The following SYNPR variants were observed in gnomAD, a reference collection of about 807,000 sequenced individuals.
The protein encoded by SYNPR is synaptoporin.
Under a neutral mutation model 32.9 loss-of-function variants are expected in SYNPR, and 23 were observed. That is an observed-to-expected ratio of 0.70 (90% confidence interval 0.50 to 0.99). The LOEUF (loss-of-function observed/expected upper bound fraction) is 0.99. Ranked by LOEUF, SYNPR falls within the 50% of genes least tolerant of loss-of-function variation. The pLI is 0.00. For missense variants in SYNPR, 318 were observed against 349.3 expected, an observed-to-expected ratio of 0.91 and a Z score of 0.71; for synonymous variants, 146 against 135.9, an observed-to-expected ratio of 1.07 and a Z score of -0.52.
chr3:63,492,680 T>G (rs756048154), intron 3 of SYNPR, among the ~76,000 whole-genome samples: 1 of 152,112 alleles, frequency 6.6e-6, no homozygotes, highest in Non-Finnish European at 1.5e-5. Context: ...GTATGCTGAG[T>G]GGGCCTTTTA....
chr3:63,262,872 T>C (rs2086451467), intron 2 of SYNPR, among the ~76,000 whole-genome samples: 1 of 152,236 alleles, frequency 6.6e-6, no homozygotes, highest in Non-Finnish European at 1.5e-5. Flanking sequence ...TCAGAAGATC[T>C]GACCCAAGGC....
chr3:63,570,105 C>T (rs1702860264), intron 4 of SYNPR, among the ~76,000 whole-genome samples: 2 of 152,150 alleles, frequency 1.3e-5, no homozygotes, highest in Admixed American at 6.6e-5. Context: ...TAAGACCAAA[C>T]TACATGGGAT....
At chr3:63,220,520 G>A in the SYNPR span, among the ~76,000 whole-genome samples, 1 of 152,122 alleles carries the variant, frequency 6.6e-6, no homozygotes, top group Non-Finnish European at 1.5e-5. Flanking sequence ...CACTGTAGGG[G>A]TGTGTAAAAG....
chr3:63,408,261 GAA>G (rs2088401983), intron 2 of SYNPR, among the ~76,000 whole-genome samples: 3 of 121,496 alleles, frequency 2.5e-5, no homozygotes, highest in Non-Finnish European at 5.0e-5. Flanking sequence ...AAGAAAGAAA[GAA>G]AGAAAGAAAG....
intron 4 of SYNPR, among the ~76,000 whole-genome samples, chr3:63,608,005 A>G (rs957276470): frequency 6.6e-6 from 1 of 152,236 alleles, no homozygotes; most frequent in Non-Finnish European, 1.5e-5. Context: ...TTCTGTTGGC[A>G]TATCAAATAT....
intron 2 of SYNPR, among the ~76,000 whole-genome samples, chr3:63,338,118 G>A (rs2087318183): frequency 6.6e-6 from 1 of 152,136 alleles, no homozygotes; most frequent in Non-Finnish European, 1.5e-5. Context: ...GATGGGAGTG[G>A]GGTAGTATAT....
chr3:63,609,091 T>C, intron 4 of SYNPR, 34 bp from the exon 5 acceptor site: 1 of 1,554,006 alleles, frequency 6.4e-7, no homozygotes, highest in Non-Finnish European at 8.7e-7. Context: ...TCACATTTTC[T>C]TTTACCATTT....
chr3:63,466,788 G>T (rs1282259443), intron 2 of SYNPR, among the ~76,000 whole-genome samples: 1 of 152,008 alleles, frequency 6.6e-6, no homozygotes, highest in Non-Finnish European at 1.5e-5. Flanking sequence ...TCTTATAAGG[G>T]CACTAATCCT....
At chr3:63,455,756 G>GGTGTGTGTGTGTGTGTGTGTGTGT (rs370244005) in intron 2 of SYNPR, among the ~76,000 whole-genome samples, 14 of 144,282 alleles carry the variant, frequency 9.7e-5, no homozygotes, top group African/African-American at 3.4e-4. Flanking sequence ...TCATGTTTGG[G>GGTGTGTGTGTGTGTGTGTGTGTGT]GTGTGTGTGT....
chr3:63,451,783 C>T (rs968937024), intron 2 of SYNPR, among the ~76,000 whole-genome samples: 1 of 152,120 alleles, frequency 6.6e-6, no homozygotes, highest in Non-Finnish European at 1.5e-5. Flanking sequence ...TCATTAGCCC[C>T]CACTATAGGA....
chr3:63,505,094 C>T (rs2106743303), intron 3 of SYNPR, among the ~76,000 whole-genome samples: 1 of 152,218 alleles, frequency 6.6e-6, no homozygotes, highest in South Asian at 2.1e-4. Flanking sequence ...GTGTTAACAG[C>T]TCTCATTTAC....
intron 2 of SYNPR, among the ~76,000 whole-genome samples, chr3:63,293,998 T>C (rs1445565849): frequency 1.3e-5 from 2 of 152,216 alleles, no homozygotes; most frequent in Admixed American, 1.3e-4. Flanking sequence ...GAAGAGGCAC[T>C]GTTTTGTCAC....
intron 3 of SYNPR, among the ~76,000 whole-genome samples, chr3:63,494,756 T>C (rs1004751031): frequency 9.2e-5 from 14 of 151,932 alleles, no homozygotes; most frequent in African/African-American, 3.4e-4. Context: ...CTAGGTCACA[T>C]AGCTAGTAAG....
At chr3:63,408,142 AAAAGAAAGAAAGAAAG>A (rs199743513) in intron 2 of SYNPR, among the ~76,000 whole-genome samples, 690 of 28,512 alleles carry the variant, frequency 0.024, 45 homozygotes, top group Non-Finnish European at 0.029. Context: ...TAGAAGAAAG[AAAAGAAAGAAAGAAAG>A]AAAGAAAGAA....
chr3:63,407,847 ACCATGCTGATATCAACTG>A (rs1275223703), intron 2 of SYNPR, among the ~76,000 whole-genome samples: 2 of 151,948 alleles, frequency 1.3e-5, no homozygotes, highest in Non-Finnish European at 2.9e-5. Flanking sequence ...CTTCAACACT[ACCATGCTGATATCAACTG>A]CCTGTCTTCT....
intron 2 of SYNPR, among the ~76,000 whole-genome samples, chr3:63,455,398 G>C (rs1486996811): frequency 6.6e-6 from 1 of 151,992 alleles, no homozygotes; most frequent in African/African-American, 2.4e-5. Flanking sequence ...ACTCTACTTG[G>C]AATTATTTCT....
At chr3:63,299,626 C>A (rs1166814280) in intron 2 of SYNPR, among the ~76,000 whole-genome samples, 1 of 152,076 alleles carries the variant, frequency 6.6e-6, no homozygotes, top group Non-Finnish European at 1.5e-5. Flanking sequence ...ACATAGCTCA[C>A]AGAGGTTAGC....
intron 4 of SYNPR, among the ~76,000 whole-genome samples, chr3:63,593,850 G>A (rs1203391833): frequency 6.6e-6 from 1 of 152,090 alleles, no homozygotes. Flanking sequence ...GCAGAGTATA[G>A]GCCACTGGAG....
At chr3:63,564,038 C>T (rs1166128080) in intron 4 of SYNPR, among the ~76,000 whole-genome samples, 1 of 150,342 alleles carries the variant, frequency 6.7e-6, no homozygotes, top group African/African-American at 2.4e-5. Context: ...AAATGAAGGA[C>T]CTTGTTTTTG....
Sources: gnomAD v4.1 joint callset for allele counts (sites outside exome capture counted in the v4.1 genomes callset) on GRCh38, gnomAD v4.1.1 for gene constraint, MANE v1.5 for transcripts, NCBI Gene and HGNC (gene_info 2026-07-23, HGNC 2026-07-21) for gene names.